Variants in PHLDB1 observed in about 807,000 individuals in gnomAD.
PHLDB1 encodes the protein pleckstrin homology like domain family B member 1.
PHLDB1 carries 65 observed loss-of-function variants against 139.3 expected under a neutral mutation model. That is an observed-to-expected ratio of 0.47 (90% CI 0.38 to 0.57). The LOEUF is 0.57. Among genes scored for constraint, PHLDB1 ranks in the 20% least tolerant of loss-of-function variants. PHLDB1 has a pLI of 0.00. For missense variants in PHLDB1, 1,624 were observed against 1,839.7 expected (o/e 0.88, Z 2.14); for synonymous variants, 679 against 734.5 (o/e 0.92, Z 1.22).
rs1292447322 is a variant in PHLDB1 at position 118,656,826 on chromosome 11, G to GC, written c.*5dup. On this transcript the variant is annotated 3_prime_UTR_variant, in exon 23 of 23. Transcript: ENST00000600882. ...GCTACACTCAGTTCATGAACTAACT[G>GC]CCGTGGGCCTCCTGGCAGAGCACAA... is the stretch of plus-strand genomic sequence containing the variant. The GC allele has an allele frequency of 6.2e-7, 1 of 1,608,310 alleles. No homozygotes were observed. The highest frequency in any genetic ancestry group is 8.5e-7 in the Non-Finnish European group (1 of 1,175,392).
rs187720486 is a variant in PHLDB1 at position 118,642,164 on chromosome 11, C to A, written c.2737-90C>A. On this transcript the variant is annotated intron_variant, in intron 12 of 22. Coordinates refer to ENST00000600882, the MANE Select transcript of PHLDB1 (RefSeq NM_001144758.3). ...TCCTCTTCTTTCTTCTTTCTCCCTT[C>A]TCCTGCCTTTTCCTTTCCCTTTATT... 7.6e-4 allele frequency: 917 copies of A among 1,212,568 alleles called. No individual in the cohort carries two copies. Among genetic ancestry groups the A allele is most frequent in the Non-Finnish European group, 9.6e-4 (796 of 826,354 alleles). 75.1% of individuals were successfully genotyped at this position (1,212,568 alleles called of 1,614,324 possible).
chr11:118,643,784 T>C lies in PHLDB1; in HGVS notation c.2878-16T>C. On this transcript the variant is annotated splice_polypyrimidine_tract_variant and intron_variant, in intron 13 of 22. Coordinates refer to ENST00000600882, the MANE Select transcript of PHLDB1 (RefSeq NM_001144758.3). ...GGGGGAGCCAGGAATCACTGGGCACTATCTTTTCTTTCCAGGTTTACCGCT... is the reference window on the plus strand; with the variant it reads ...GGGGGAGCCAGGAATCACTGGGCACCATCTTTTCTTTCCAGGTTTACCGCT... The C allele has an allele frequency of 6.2e-7, 1 of 1,614,080 alleles. No homozygotes were observed. Among genetic ancestry groups the C allele is most frequent in the South Asian group, 1.1e-5 (1 of 91,092 alleles).
chr11:118,641,056 G>A (rs1946427877), intron 12 of PHLDB1: 1 of 152,652 alleles, frequency 6.6e-6, no homozygotes, highest in Non-Finnish European at 1.5e-5. Context: ...TTGGGGTGTT[G>A]GGCACCTTAT....
chr11:118,612,467 C>A (rs1465484964), intron 1 of PHLDB1, among the ~76,000 whole-genome samples: 11 of 152,194 alleles, frequency 7.2e-5, no homozygotes, highest in African/African-American at 2.7e-4. Flanking sequence ...CTTGGAAATT[C>A]TTCTCCATGG....
At position 118,611,826 on chromosome 11, in the gene PHLDB1, A is replaced by ATAATAAT. The variant is rs11425130; in HGVS notation, c.-21-1990_-21-1989insTAATAAT. The stretch of plus-strand genomic sequence containing the variant: ...AGAGTGAAACTCCGTCTCAAAAAAA[A>ATAATAAT]AAAAAAAATAATAATAATAATAATA... On this transcript the variant is annotated intron_variant, in intron 1 of 22. Transcript: ENST00000600882. The surrounding 1 kb of genome is among the most constrained non-coding windows in gnomAD (Gnocchi z 4.7). 6.0e-3 allele frequency among the ~76,000 whole-genome samples: 891 copies of ATAATAAT among 148,164 alleles called. 8 individuals are homozygous for ATAATAAT. Among genetic ancestry groups the ATAATAAT allele is most frequent in the Middle Eastern group, 0.014 (4 of 280 alleles).
intron 10 of PHLDB1, chr11:118,637,005 C>T (rs1945758224): frequency 6.6e-6 from 1 of 152,198 alleles, no homozygotes; most frequent in South Asian, 2.1e-4. Flanking sequence ...ATCCAGCTTT[C>T]ATCCTCAGAC....
intron 12 of PHLDB1, chr11:118,641,637 G>C (rs1555120635): frequency 7.8e-7 from 1 of 1,287,356 alleles, no homozygotes; most frequent in East Asian, 5.6e-5. Context: ...AGCAGCTAAA[G>C]GTGATGCGGG....
intron 20 of PHLDB1, chr11:118,654,713 C>CTTTTTTTTTTTTT (rs5795131): frequency 2.4e-5 from 2 of 83,534 alleles, no homozygotes; most frequent in Admixed American, 1.6e-4. Context: ...CTTTCTTTCT[C>CTTTTTTTTTTTTT]TTTTTTTTTT....
At chr11:118,638,836 C>T (rs1946057977) in intron 10 of PHLDB1, 55 bp from the exon 11 acceptor site, 1 of 1,365,540 alleles carries the variant, frequency 7.3e-7, no homozygotes, top group Admixed American at 2.3e-5. Context: ...CTAGTTCTCA[C>T]CTTGGGCTCA....
intron 12 of PHLDB1, 192 bp from the exon 13 acceptor site, chr11:118,642,062 C>T (rs1283390325): frequency 9.9e-6 from 6 of 607,740 alleles, no homozygotes; most frequent in Non-Finnish European, 1.5e-5. Context: ...TTTCTCCCTT[C>T]CTTCCTCCCC....
At chr11:118,630,053 G>A (rs1591591854) in intron 6 of PHLDB1, 1 of 1,270,846 alleles carries the variant, frequency 7.9e-7, no homozygotes, top group Non-Finnish European at 1.0e-6. Context: ...TTTTGCCATG[G>A]AACTGGGCAA....
chr11:118,617,335 G>A (rs1380587543), intron 4 of PHLDB1, among the ~76,000 whole-genome samples: 1 of 152,136 alleles, frequency 6.6e-6, no homozygotes, highest in African/African-American at 2.4e-5. Context: ...GTTTTCTGGG[G>A]GCTCTTACTG....
rs1317090495 is a variant in PHLDB1, at chr11:118,610,023, G to A, written c.-22+2324G>A. Among the ~76,000 whole-genome samples the A allele has an allele frequency of 6.9e-6, 1 of 144,058 alleles. No individual in the cohort carries two copies. The highest frequency in any genetic ancestry group is 1.5e-5 in the Non-Finnish European group (1 of 65,978). The allele number at this position is 144,058 out of a possible 152,430, so 94.5% of individuals were successfully genotyped here. A position where few individuals can be genotyped will look rare whatever the true frequency, so the allele number is the denominator to read the frequency against. On this transcript the variant is annotated intron_variant, in intron 1 of 22. Transcript: ENST00000600882. The surrounding 1 kb of genome is among the most constrained non-coding windows in gnomAD (Gnocchi z 8.7). Reference sequence around the variant, plus strand: ...TCTCCTTCGCCCCATCTCCCCGCCCGTCAGCCTCCCCTCCGCTGCCCTCGC... The same window carrying A: ...TCTCCTTCGCCCCATCTCCCCGCCCATCAGCCTCCCCTCCGCTGCCCTCGC...
chr11:118,645,323 G>C lies in PHLDB1; in HGVS notation c.3122-33G>C. The C allele has an allele frequency of 6.7e-7, 1 of 1,494,220 alleles. No homozygotes were observed. Among genetic ancestry groups the C allele is most frequent in the Non-Finnish European group, 8.9e-7 (1 of 1,118,856 alleles). 92.6% of individuals were successfully genotyped at this position (1,494,220 alleles called of 1,614,324 possible). A position where few individuals can be genotyped will look rare whatever the true frequency, so the allele number is the denominator to read the frequency against. On this transcript the variant is annotated intron_variant, in intron 15 of 22. Transcript: ENST00000600882. This position sits in a 1 kb window ranked among gnomAD's most constrained non-coding sequence, Gnocchi z 5.1. The stretch of plus-strand genomic sequence containing the variant: ...GGCCTGCTCCTTAGCTGCGTGGGGA[G>C]CCCACTGTGACTCCCATCTGTCTCT...
chr11:118,639,593 G>T lies in PHLDB1; in HGVS notation c.2736+342G>T, dbSNP rs953162356. The T allele has an allele frequency of 1.1e-5, 4 of 362,130 alleles. No individual in the cohort carries two copies. The East Asian group carries it at 2.0e-4, about 18-fold the overall frequency. The allele number at this position is 362,130 out of a possible 1,614,324, so 22.4% of individuals were successfully genotyped here. On this transcript the variant is annotated intron_variant, in intron 12 of 22. Transcript: ENST00000600882. ...TGGACTCACCTTGAAGGGGAGCATA[G>T]GGATATAGGGGTGCTGATCCTGGGG... is the stretch of plus-strand genomic sequence containing the variant.
At chr11:118,607,091 C>A (rs1216385547), upstream of PHLDB1, among the ~76,000 whole-genome samples, 1 of 151,786 alleles carries the variant, frequency 6.6e-6, no homozygotes, top group Admixed American at 6.6e-5. Context: ...AGGGAGAAGA[C>A]CTGGGTACCC....
In PHLDB1 at chr11:118,644,086, C is replaced by T. The variant is rs373959317; in HGVS notation, c.3033C>T (p.Thr1011=). Residue 1011 remains threonine (T), a synonymous_variant, in exon 15 of 23, where the codon ACC becomes ACT. Coordinates refer to ENST00000600882, the MANE Select transcript of PHLDB1 (RefSeq NM_001144758.3). ...TTCCTCTGCAGAGCGCTCTACTCACCCAGAATGGCACGGGCAGCCTTCCTC... is the reference window on the plus strand; with the variant it reads ...TTCCTCTGCAGAGCGCTCTACTCACTCAGAATGGCACGGGCAGCCTTCCTC... ...RSPSPKSALL[T]QNGTGSLPRN... is the part of the protein sequence containing the mutation. The T allele has an allele frequency of 1.5e-5, 25 of 1,613,810 alleles. No homozygotes were observed. Among genetic ancestry groups the T allele is most frequent in the African/African-American group, 2.7e-5 (2 of 74,922 alleles).
Position 118,627,643 on chromosome 11 carries a change from G to A in PHLDB1, c.820G>A (p.Gly274Arg). 6.2e-7 allele frequency: 1 copy of A among 1,612,310 alleles called. No homozygotes were observed. Among genetic ancestry groups the A allele is most frequent in the Admixed American group, 1.7e-5 (1 of 60,028 alleles). ...SGSCASHSPS[G>R]QEPGPSVPPL... ...AAGCTGTGCCAGTCACTCACCCAGTGGGCAAGAGCCAGGACCTTCTGTGCC... is the reference window on the plus strand; with the variant it reads ...AAGCTGTGCCAGTCACTCACCCAGTAGGCAAGAGCCAGGACCTTCTGTGCC... Residue 274 changes from glycine to arginine, a missense_variant, in exon 6 of 23, where the codon GGG becomes AGG. By Grantham distance (125) the Gly-to-Arg change is moderately radical (BLOSUM62 -2). Transcript: ENST00000600882.
chr11:118,628,196 C>G lies in PHLDB1; in HGVS notation c.1373C>G (p.Pro458Arg). ...GGCCTGGACAGTATGCGAGAACTAC[C>G]CCCCTTAAGTCCATCTCTGTCCCGG... ...RRGLDSMREL[P>R]PLSPSLSRRA... is the part of the protein sequence containing the mutation. The change falls in exon 6 of 23, where the codon CCC (proline) becomes CGC (arginine). Residue 458 changes from proline (P) to arginine (R), a missense_variant. Transcript: ENST00000600882. The G allele has an allele frequency of 6.2e-7, 1 of 1,614,056 alleles. No homozygotes were observed. The highest frequency in any genetic ancestry group is 1.1e-5 in the South Asian group (1 of 91,078).
Sources: allele counts gnomAD v4.1 joint callset (sites outside exome capture counted in the v4.1 genomes callset), GRCh38; gene constraint gnomAD v4.1.1; non-coding constraint Gnocchi (gnomAD v3.1); transcripts MANE v1.5; gene names NCBI Gene and HGNC (gene_info 2026-07-23, HGNC 2026-07-21).